CNTNAP4: variants seen among roughly 807,000 people sequenced by gnomAD.
CNTNAP4 encodes the protein contactin-associated protein-like 4.
CNTNAP4 carries 98 observed loss-of-function variants against 148.4 expected under a neutral mutation model. That is an observed-to-expected ratio of 0.66 (90% confidence interval 0.56 to 0.78). CNTNAP4 has a LOEUF of 0.78. CNTNAP4 is among the 30% of genes least tolerant of loss of function. The pLI, the probability that CNTNAP4 is intolerant of heterozygous loss-of-function variation, is 0.00. For synonymous variants in CNTNAP4, 730 were observed against 565.1 expected (o/e 1.29, Z -4.14); for missense variants, 1,935 against 1,565.6 (o/e 1.24, Z -3.98).
At chr16:76,277,854 A>G in intron 1 of CNTNAP4, 107 bp downstream of exon 1, 1 of 742,568 alleles carries the variant, frequency 1.3e-6, no homozygotes, top group Admixed American at 2.1e-5. Flanking sequence ...TGCAAAGCGT[A>G]TTGCTGTAAA....
Position 76,355,374 on chromosome 16 carries a change from C to G in CNTNAP4, c.253C>G (p.Leu85Val). Residue 85 changes from leucine (L) to valine (V), a missense_variant, in exon 3 of 24, where the codon CTT becomes GTT. Coordinates refer to ENST00000611870, the MANE Select transcript of CNTNAP4 (RefSeq NM_033401.5). ...CAAATACCAGTGGTTGCAGATTGAC[C>G]TTGGAGAGAGAATGGAGGTCACCGC... ...SNKYQWLQID[L>V]GERMEVTAVA... The G allele has an allele frequency of 6.2e-7, 1 of 1,607,592 alleles. No homozygotes were observed. The highest frequency in any genetic ancestry group is 8.5e-7 in the Non-Finnish European group (1 of 1,176,596).
At chr16:76,522,897 G>C (rs1014564739) in intron 17 of CNTNAP4, among the ~76,000 whole-genome samples, 1 of 151,394 alleles carries the variant, frequency 6.6e-6, no homozygotes, top group African/African-American at 2.4e-5. Context: ...TGAGTAGCTG[G>C]GATTACAGGT....
chr16:76,366,138 T>G (rs2014094872), intron 3 of CNTNAP4, among the ~76,000 whole-genome samples: 1 of 152,192 alleles, frequency 6.6e-6, no homozygotes, highest in Admixed American at 6.5e-5. Context: ...ATAAAAAATT[T>G]GCTGAAATTT....
At position 76,553,460 on chromosome 16, in the gene CNTNAP4, G is replaced by A. The variant is rs1052745980; in HGVS notation, c.3620G>A (p.Gly1207Asp). The A allele has an allele frequency of 5.6e-6, 9 of 1,612,310 alleles. No homozygotes were observed. The African/African-American group carries it at 9.3e-5, about 17-fold the overall frequency. Residue 1207 changes from glycine (G) to aspartate (D), a missense_variant, in exon 22 of 24, where the codon GGC becomes GAC. By Grantham distance (94) the Gly-to-Asp change is moderately conservative (BLOSUM62 -1). Transcript: ENST00000611870. ...VTESSCMAQPGTDATSRERTH... is the reference protein window; with the variant it reads ...VTESSCMAQPDTDATSRERTH... ...GAGTCCAGCTGTATGGCCCAGCCTGGCACTGATGCCACATCAAGGGAAAGG... is the reference window on the plus strand; with the variant it reads ...GAGTCCAGCTGTATGGCCCAGCCTGACACTGATGCCACATCAAGGGAAAGG...
intron 15 of CNTNAP4, among the ~76,000 whole-genome samples, chr16:76,514,311 T>C (rs1260297700): frequency 6.6e-6 from 1 of 152,226 alleles, no homozygotes; most frequent in East Asian, 1.9e-4. Flanking sequence ...TAATTGGATG[T>C]TGCTCCAAAA....
intron 21 of CNTNAP4, among the ~76,000 whole-genome samples, chr16:76,546,756 T>C (rs1356997256): frequency 6.6e-6 from 1 of 152,204 alleles, no homozygotes; most frequent in Non-Finnish European, 1.5e-5. Context: ...TGGGGACCAC[T>C]GAGGCTGATG....
intron 15 of CNTNAP4, among the ~76,000 whole-genome samples, chr16:76,501,123 C>G (rs1416230303): frequency 6.6e-6 from 1 of 152,232 alleles, no homozygotes; most frequent in African/African-American, 2.4e-5. Flanking sequence ...TACTCACCAT[C>G]TCTGATATGT....
chr16:76,527,066 C>T (rs1459783935), intron 17 of CNTNAP4, among the ~76,000 whole-genome samples: 2 of 152,126 alleles, frequency 1.3e-5, no homozygotes, highest in East Asian at 3.9e-4. Context: ...GCTCCACAAT[C>T]CAAATTATAT....
At chr16:76,528,672 G>A (rs1282902549) in intron 17 of CNTNAP4, among the ~76,000 whole-genome samples, 2 of 152,202 alleles carry the variant, frequency 1.3e-5, no homozygotes, top group Non-Finnish European at 2.9e-5. Flanking sequence ...TCTGCTAAAA[G>A]CCGGTCATAA....
chr16:76,501,386 C>T (rs2082637320), intron 15 of CNTNAP4, among the ~76,000 whole-genome samples: 1 of 152,168 alleles, frequency 6.6e-6, no homozygotes, highest in African/African-American at 2.4e-5. Context: ...ATTTCATTAG[C>T]CAAAACCCCT....
chr16:76,515,453 C>G (rs940959544), intron 15 of CNTNAP4, among the ~76,000 whole-genome samples: 8 of 152,130 alleles, frequency 5.3e-5, no homozygotes, highest in African/African-American at 1.9e-4. Context: ...TGTGCTGACT[C>G]AGAGGAAAGA....
At chr16:76,348,813 A>G (rs956113324) in intron 2 of CNTNAP4, among the ~76,000 whole-genome samples, 1 of 151,300 alleles carries the variant, frequency 6.6e-6, no homozygotes, top group Non-Finnish European at 1.5e-5. Flanking sequence ...TTGGAGAGTG[A>G]TGTGGACCTA....
intron 1 of CNTNAP4, among the ~76,000 whole-genome samples, chr16:76,308,892 A>G (rs937047752): frequency 3.3e-5 from 5 of 151,944 alleles, no homozygotes; most frequent in Admixed American, 2.0e-4. Context: ...TGGTGCGATC[A>G]TAGCTCAGGG....
At chr16:76,289,070 TA>T (rs61476124) in intron 1 of CNTNAP4, among the ~76,000 whole-genome samples, 26,217 of 151,282 alleles carry the variant, frequency 0.17, 4,468 homozygotes, top group East Asian at 0.46. Flanking sequence ...TCTCACCTTT[TA>T]AAAAAAAAAT....
intron 3 of CNTNAP4, among the ~76,000 whole-genome samples, chr16:76,400,009 TTAATC>T (rs2078349259): frequency 6.7e-6 from 1 of 149,242 alleles, no homozygotes; most frequent in Non-Finnish European, 1.5e-5. Flanking sequence ...ACAAACTATT[TTAATC>T]AAATGGATTT....
At chr16:76,395,165 G>C (rs115303252) in intron 3 of CNTNAP4, among the ~76,000 whole-genome samples, 1 of 152,108 alleles carries the variant, frequency 6.6e-6, no homozygotes, top group Non-Finnish European at 1.5e-5. Context: ...GAGAGATCAC[G>C]ACCTTTTGAA....
In CNTNAP4 at chr16:76,316,281, G is replaced by GT. The variant is rs1483956067; in HGVS notation, c.86-131dup. ...AGACTTCTAGTAAGCCCTGGAAGTA[G>GT]TAGGCATATTTTTAGAGATCTTAGA... is the stretch of plus-strand genomic sequence containing the variant. On this transcript the variant is annotated intron_variant, in intron 1 of 23. Transcript: ENST00000611870. 4.0e-5 allele frequency: 29 copies of GT among 718,640 alleles called. No homozygotes were observed. In the Admixed American group the frequency reaches 5.8e-4, roughly 14 times the overall value. 44.5% of individuals were successfully genotyped at this position (718,640 alleles called of 1,614,324 possible). A position where few individuals can be genotyped will look rare whatever the true frequency, so the allele number is the denominator to read the frequency against.
intron 3 of CNTNAP4, among the ~76,000 whole-genome samples, chr16:76,370,857 T>C (rs374298034): frequency 6.6e-6 from 1 of 152,080 alleles, no homozygotes; most frequent in Non-Finnish European, 1.5e-5. Flanking sequence ...ACTGAGGAAA[T>C]TGAGATTTAA....
At chr16:76,311,168 T>G (rs1034163279) in intron 1 of CNTNAP4, among the ~76,000 whole-genome samples, 1 of 152,160 alleles carries the variant, frequency 6.6e-6, no homozygotes. Flanking sequence ...TGAACAGCTT[T>G]TATTTGCTTA....
Sources: allele counts gnomAD v4.1 joint callset (sites outside exome capture counted in the v4.1 genomes callset), GRCh38; gene constraint gnomAD v4.1.1; transcripts MANE v1.5; gene names NCBI Gene and HGNC (gene_info 2026-07-23, HGNC 2026-07-21).